The following MTMR7 variants were observed in gnomAD, a reference collection of about 807,000 sequenced individuals.
The protein encoded by MTMR7 is myotubularin related protein 7.
A neutral mutation model predicts 81.2 loss-of-function variants in MTMR7; 76 were observed. That is an observed-to-expected ratio of 0.94 (90% CI 0.78 to 1.13). MTMR7 has a LOEUF of 1.13. Ranked by LOEUF, MTMR7 falls within the 50% of genes most tolerant of loss-of-function variation. The probability of loss-of-function intolerance (pLI) is 0.00; values close to 1 mark genes in which losing one functional copy is unlikely to be tolerated. For missense variants in MTMR7, 1,044 were observed against 820.0 expected, an observed-to-expected ratio of 1.27 and a Z score of -3.34; for synonymous variants, 372 against 289.8, an observed-to-expected ratio of 1.28 and a Z score of -2.88.
At chr8:17,388,454 A>G (rs1229535632) in intron 1 of MTMR7, among the ~76,000 whole-genome samples, 1 of 152,248 alleles carries the variant, frequency 6.6e-6, no homozygotes, top group Admixed American at 6.5e-5. Flanking sequence ...GTTCAAAACA[A>G]TAAAGTCATT....
intron 9 of MTMR7, 33 bp from the exon 10 acceptor site, chr8:17,309,359 G>A: frequency 7.1e-7 from 1 of 1,406,354 alleles, no homozygotes; most frequent in East Asian, 2.3e-5. Flanking sequence ...ATCTTGGAGA[G>A]AAGCAAACGA....
intron 4 of MTMR7, among the ~76,000 whole-genome samples, chr8:17,359,616 T>C (rs1256595753): frequency 7.2e-6 from 1 of 138,404 alleles, no homozygotes; most frequent in Admixed American, 7.4e-5. Flanking sequence ...AGAAAATCCC[T>C]GTGACAAGGT....
chr8:17,381,999 ACTGCAG>A (rs1820776019), intron 1 of MTMR7, among the ~76,000 whole-genome samples: 1 of 152,198 alleles, frequency 6.6e-6, no homozygotes, highest in African/African-American at 2.4e-5. Context: ...TTTCTAGCAG[ACTGCAG>A]CTGTGACCCA....
intron 1 of MTMR7, among the ~76,000 whole-genome samples, chr8:17,379,228 G>A (rs186811826): frequency 6.6e-6 from 1 of 152,148 alleles, no homozygotes; most frequent in South Asian, 2.1e-4. Flanking sequence ...GAAGCATGAG[G>A]ATCATAACCC....
intron 7 of MTMR7, 142 bp from the exon 8 acceptor site, chr8:17,313,543 C>T (rs1817903881): frequency 3.6e-6 from 2 of 550,318 alleles, no homozygotes; most frequent in South Asian, 3.1e-5. Flanking sequence ...AAAATAAATA[C>T]CCACGTTTAC....
intron 4 of MTMR7, among the ~76,000 whole-genome samples, chr8:17,354,327 T>C (rs1301942667): frequency 6.6e-6 from 1 of 152,240 alleles, no homozygotes; most frequent in African/African-American, 2.4e-5. Flanking sequence ...TGAGCTTTAA[T>C]AAACTGACTG....
chr8:17,324,295 C>G (rs1259086988), intron 7 of MTMR7, among the ~76,000 whole-genome samples: 1 of 152,198 alleles, frequency 6.6e-6, no homozygotes, highest in East Asian at 1.9e-4. Flanking sequence ...GTCCCGGCTC[C>G]TGTGTGTTAA....
chr8:17,341,320 A>C (rs1819400516), intron 6 of MTMR7, 43 bp downstream of exon 6: 2 of 1,607,864 alleles, frequency 1.2e-6, no homozygotes, highest in African/African-American at 2.7e-5. Flanking sequence ...CTCCAGTTTC[A>C]CAACTCAGGT....
At chr8:17,361,490 C>G (rs914426280) in intron 3 of MTMR7, among the ~76,000 whole-genome samples, 2 of 152,196 alleles carry the variant, frequency 1.3e-5, no homozygotes, top group African/African-American at 4.8e-5. Context: ...CTCAACTTGG[C>G]AGTACCTTCT....
At chr8:17,393,656 C>G (rs1017018040) in intron 1 of MTMR7, among the ~76,000 whole-genome samples, 1 of 151,856 alleles carries the variant, frequency 6.6e-6, no homozygotes, top group Non-Finnish European at 1.5e-5. Context: ...GATGAGAACA[C>G]GTGGACACAT....
chr8:17,333,175 T>A (rs1273335983), intron 6 of MTMR7, among the ~76,000 whole-genome samples: 1 of 152,124 alleles, frequency 6.6e-6, no homozygotes, highest in Admixed American at 6.5e-5. Flanking sequence ...ACTGTTCCCA[T>A]CCACAAAAGG....
At chr8:17,309,000 G>C (rs1048016212) in intron 10 of MTMR7, among the ~76,000 whole-genome samples, 1 of 152,234 alleles carries the variant, frequency 6.6e-6, no homozygotes, top group African/African-American at 2.4e-5. Context: ...CAAATGGCAG[G>C]AGGAAGGGAA....
chr8:17,347,701 A>G (rs1448544771), intron 5 of MTMR7, among the ~76,000 whole-genome samples: 1 of 152,182 alleles, frequency 6.6e-6, no homozygotes, highest in African/African-American at 2.4e-5. Context: ...GTGGGTGCCA[A>G]AGACCATTCT....
chr8:17,382,375 T>G (rs1226657269), intron 1 of MTMR7, among the ~76,000 whole-genome samples: 1 of 152,240 alleles, frequency 6.6e-6, no homozygotes, highest in Non-Finnish European at 1.5e-5. Context: ...TTCTTCTTTT[T>G]TGCTTCTCTT....
chr8:17,397,922 T>C (rs888894511), intron 1 of MTMR7, among the ~76,000 whole-genome samples: 11 of 152,122 alleles, frequency 7.2e-5, no homozygotes, highest in Non-Finnish European at 1.2e-4. Context: ...AAAAAGACTA[T>C]CTCTCTGATA....
intron 3 of MTMR7, among the ~76,000 whole-genome samples, chr8:17,362,214 T>C (rs1483031336): frequency 6.6e-6 from 1 of 152,256 alleles, no homozygotes; most frequent in Non-Finnish European, 1.5e-5. Context: ...CATTATCACT[T>C]CAACATGTGC....
rs144670645 is a variant in MTMR7 at position 17,379,344 on chromosome 8, G to A, written c.25-6104C>T. 3.7e-3 allele frequency among the ~76,000 whole-genome samples: 565 copies of A among 152,216 alleles called. 4 individuals are homozygous for A. Among genetic ancestry groups the A allele is most frequent in the African/African-American group, 0.013 (536 of 41,528 alleles). ...GCAGAAGCAGATAGTCTGACCACGCGAACTCCACCCCGGAGCAGCAAGAGC... is the reference window on the plus strand; with the variant it reads ...GCAGAAGCAGATAGTCTGACCACGCAAACTCCACCCCGGAGCAGCAAGAGC... On this transcript the variant is annotated intron_variant, in intron 1 of 13. Coordinates refer to ENST00000180173, the MANE Select transcript of MTMR7 (RefSeq NM_004686.5).
At chr8:17,351,103 G>A (rs746362125) in intron 4 of MTMR7, among the ~76,000 whole-genome samples, 30 of 152,216 alleles carry the variant, frequency 2.0e-4, no homozygotes, top group Non-Finnish European at 3.8e-4. Flanking sequence ...CAAGAGACAT[G>A]TAGTCATTGC....
intron 1 of MTMR7, among the ~76,000 whole-genome samples, chr8:17,408,972 A>G (rs924484447): frequency 1.5e-4 from 23 of 152,196 alleles, no homozygotes; most frequent in Non-Finnish European, 2.2e-4. Flanking sequence ...ATTTTACATT[A>G]TTTGAATTTT....
Sources: allele counts gnomAD v4.1 joint callset (sites outside exome capture counted in the v4.1 genomes callset), GRCh38; gene constraint gnomAD v4.1.1; transcripts MANE v1.5; gene names NCBI Gene and HGNC (gene_info 2026-07-23, HGNC 2026-07-21).